Variants in AGBL4 observed in about 807,000 individuals in gnomAD.
AGBL4 encodes the protein AGBL carboxypeptidase 4.
A neutral mutation model predicts 66.4 loss-of-function variants in AGBL4; 58 were observed. The observed-to-expected ratio is 0.87, with a 90% CI of 0.71 to 1.09. AGBL4 has a LOEUF of 1.09. Among genes scored for constraint, AGBL4 ranks in the 50% least tolerant of loss-of-function variants. AGBL4 has a pLI of 0.00. For missense variants in AGBL4, 579 were observed against 631.0 expected, an observed-to-expected ratio of 0.92 and a Z score of 0.88; for synonymous variants, 234 against 222.9, an observed-to-expected ratio of 1.05 and a Z score of -0.44.
At chr1:49,645,458 A>C (rs909492033) in intron 3 of AGBL4, among the ~76,000 whole-genome samples, 1 of 151,438 alleles carries the variant, frequency 6.6e-6, no homozygotes, top group East Asian at 1.9e-4. Flanking sequence ...AAATAAACAG[A>C]TTTTCTGAAC....
chr1:49,633,067 C>T (rs1286733652), intron 3 of AGBL4, among the ~76,000 whole-genome samples: 1 of 150,976 alleles, frequency 6.6e-6, no homozygotes, highest in African/African-American at 2.4e-5. Context: ...AGCAAGACTC[C>T]ATCTCAAAAA....
chr1:49,872,478 C>T (rs1326075876), intron 1 of AGBL4, among the ~76,000 whole-genome samples: 1 of 151,976 alleles, frequency 6.6e-6, no homozygotes, highest in Non-Finnish European at 1.5e-5. Flanking sequence ...ATCTCTTGTC[C>T]CTTACAAGTT....
At chr1:49,828,461 A>C (rs1000821916) in intron 2 of AGBL4, among the ~76,000 whole-genome samples, 1 of 152,206 alleles carries the variant, frequency 6.6e-6, no homozygotes, top group Non-Finnish European at 1.5e-5. Flanking sequence ...TTCCAGAAAA[A>C]AAAATTTGGC....
intron 5 of AGBL4, among the ~76,000 whole-genome samples, chr1:48,939,140 T>C (rs566177426): frequency 9.2e-5 from 14 of 152,352 alleles, no homozygotes; most frequent in African/African-American, 3.1e-4. Context: ...CTTTTCCCCA[T>C]TGGACCCTGA....
At chr1:48,982,303 G>A (rs980710962) in intron 5 of AGBL4, among the ~76,000 whole-genome samples, 4 of 152,084 alleles carry the variant, frequency 2.6e-5, no homozygotes, top group South Asian at 2.1e-4. Context: ...CCATTAACTC[G>A]TCATTTAACA....
At chr1:49,255,676 G>T (rs1253362817) in intron 3 of AGBL4, among the ~76,000 whole-genome samples, 1 of 152,120 alleles carries the variant, frequency 6.6e-6, no homozygotes, top group Non-Finnish European at 1.5e-5. Flanking sequence ...ATATTCAAAG[G>T]AATATAAATC....
chr1:48,675,293 T>C lies in AGBL4; in HGVS notation c.635-12052A>G, dbSNP rs115842368. 5.2e-3 allele frequency among the ~76,000 whole-genome samples: 791 copies of C among 152,206 alleles called. 8 individuals carry two copies. Among genetic ancestry groups the C allele is most frequent in the African/African-American group, 0.018 (759 of 41,534 alleles). On this transcript the variant is annotated intron_variant, in intron 6 of 13. Coordinates refer to ENST00000371839, the MANE Select transcript of AGBL4 (RefSeq NM_032785.4). ...CCCTCTCTCCCCTCCCTAGACCCCC[T>C]TGACAGAAGCGGAGCTCAAGGATGG...
At position 48,604,892 on chromosome 1, in the gene AGBL4, C is replaced by A. The variant is rs560103804; in HGVS notation, c.952-13907G>T. Among the ~76,000 whole-genome samples, 21 of 152,316 alleles carry A rather than the reference C, an allele frequency of 1.4e-4. 1 individual carries two copies. The highest frequency in any genetic ancestry group is 6.2e-4 in the South Asian group (3 of 4,822). On this transcript the variant is annotated intron_variant, in intron 9 of 13. Transcript: ENST00000371839. The stretch of plus-strand genomic sequence containing the variant: ...CTTGGATTGAAGGGAAGTCCCACAA[C>A]AATGCAAGCCCCTTCATCCATATCT...
At chr1:49,724,463 A>G (rs1392026352) in intron 2 of AGBL4, among the ~76,000 whole-genome samples, 1 of 152,180 alleles carries the variant, frequency 6.6e-6, no homozygotes, top group Admixed American at 6.6e-5. Flanking sequence ...GAGAAGACTG[A>G]CATTAATTGA....
In AGBL4 at chr1:49,848,620, TA is replaced by T. The variant is rs1231103481; in HGVS notation, c.157+2775del. Among the ~76,000 whole-genome samples the T allele has an allele frequency of 1.1e-4, 17 of 152,200 alleles. 1 individual carries two copies. The South Asian group carries it at 3.1e-3, about 28-fold the overall frequency. On this transcript the variant is annotated intron_variant, in intron 2 of 13. Transcript: ENST00000371839. ...GTGAGAGCTAAATAATATGTATACA[TA>T]TAGAACGTGGAATAATAGCCCCTTG...
chr1:48,725,557 T>C (rs1471672439), intron 6 of AGBL4, among the ~76,000 whole-genome samples: 2 of 152,224 alleles, frequency 1.3e-5, no homozygotes, highest in African/African-American at 4.8e-5. Flanking sequence ...CCCCTAAACA[T>C]GTCCTGAGAT....
intron 1 of AGBL4, among the ~76,000 whole-genome samples, chr1:49,881,926 C>T (rs2148144837): frequency 6.6e-6 from 1 of 152,148 alleles, no homozygotes; most frequent in East Asian, 1.9e-4. Flanking sequence ...CTTTGGTTGC[C>T]ATTGCTTTTG....
Position 49,543,685 on chromosome 1 carries a change from C to T in AGBL4, c.282+153628G>A, listed in dbSNP as rs17105702. Among the ~76,000 whole-genome samples the T allele has an allele frequency of 3.2e-3, 488 of 152,250 alleles. 29 individuals are homozygous for T. In the East Asian group the frequency reaches 0.08, roughly 25 times the overall value. On this transcript the variant is annotated intron_variant, in intron 3 of 13. Transcript: ENST00000371839. ...CTATAAAGGGCATTAGATTGCTAAT[C>T]TCCTTCAGGTTGCCACATATTTGTG...
chr1:48,745,955 CT>C (rs1650676151), intron 6 of AGBL4, among the ~76,000 whole-genome samples: 1 of 152,034 alleles, frequency 6.6e-6, no homozygotes, highest in Non-Finnish European at 1.5e-5. Context: ...AAAACGGTGC[CT>C]TTTTATGTCA....
intron 5 of AGBL4, among the ~76,000 whole-genome samples, chr1:48,938,521 T>A (rs1364320764): frequency 6.6e-6 from 1 of 152,080 alleles, no homozygotes; most frequent in Non-Finnish European, 1.5e-5. Flanking sequence ...TAAACGGGAA[T>A]GATAAGAAGT....
At chr1:49,761,792 A>G (rs559620495) in intron 2 of AGBL4, among the ~76,000 whole-genome samples, 2 of 152,324 alleles carry the variant, frequency 1.3e-5, no homozygotes, top group East Asian at 3.9e-4. Flanking sequence ...GAAATACTAG[A>G]GCTTATTCCT....
At chr1:48,740,951 C>A (rs1436584136) in intron 6 of AGBL4, among the ~76,000 whole-genome samples, 2 of 152,146 alleles carry the variant, frequency 1.3e-5, no homozygotes, top group Non-Finnish European at 2.9e-5. Flanking sequence ...CTGGCAAAAA[C>A]CAATGAAAAA....
rs1224352578 is a variant in AGBL4, at chr1:49,030,962, A to T, written c.594+14622T>A. On this transcript the variant is annotated intron_variant, in intron 5 of 13. Transcript: ENST00000371839. ...CGGAGTGTGAATGGAGAAAGGGAAG[A>T]TGTTGGTCAAAGGGTACAAAGTTTC... Among the ~76,000 whole-genome samples, 7 of 152,132 alleles carry T rather than the reference A, an allele frequency of 4.6e-5. No individual in the cohort carries two copies. In the South Asian group the frequency reaches 8.3e-4, roughly 18 times the overall value.
chr1:48,541,011 C>T (rs373932132), intron 11 of AGBL4, among the ~76,000 whole-genome samples: 1 of 152,144 alleles, frequency 6.6e-6, no homozygotes, highest in Non-Finnish European at 1.5e-5. Flanking sequence ...TGTGATTTAC[C>T]GTACTGTTCA....
Sources: gnomAD v4.1 joint callset for allele counts (sites outside exome capture counted in the v4.1 genomes callset) on GRCh38, gnomAD v4.1.1 for gene constraint, MANE v1.5 for transcripts, NCBI Gene and HGNC (gene_info 2026-07-23, HGNC 2026-07-21) for gene names.